TMEM87B: variants seen among roughly 807,000 people sequenced by gnomAD.
TMEM87B encodes the protein transmembrane protein 87B.
In TMEM87B, 83 loss-of-function variants were observed where a neutral mutation model predicts 80.3. That is an observed-to-expected ratio of 1.03 (90% CI 0.87 to 1.24). The LOEUF is 1.24. Ranked by LOEUF, TMEM87B falls within the 50% of genes most tolerant of loss-of-function variation. The pLI is 0.00. For synonymous variants in TMEM87B, 219 were observed against 230.5 expected (o/e 0.95, Z 0.45); for missense variants, 625 against 674.4 (o/e 0.93, Z 0.81).
intron 2 of TMEM87B, among the ~76,000 whole-genome samples, chr2:112,063,232 A>G (rs1345445942): frequency 6.6e-6 from 1 of 152,226 alleles, no homozygotes; most frequent in African/African-American, 2.4e-5. Context: ...AGGCTAAGTT[A>G]TAAAAGATAC....
chr2:112,098,520 G>A lies in TMEM87B; in HGVS notation c.1273-75G>A, dbSNP rs531009530. On this transcript the variant is annotated intron_variant, in intron 13 of 18. Coordinates refer to ENST00000283206, the MANE Select transcript of TMEM87B (RefSeq NM_032824.3). ...AAAGATTTCATTAGTACTTGTCATT[G>A]TACATTATTTGAATGGGAAACCTAT... is the stretch of plus-strand genomic sequence containing the variant. 11 of 1,351,808 alleles carry A rather than the reference G, an allele frequency of 8.1e-6. No homozygotes were observed. The African/African-American group carries it at 1.3e-4, about 16-fold the overall frequency. The allele number at this position is 1,351,808 out of a possible 1,614,324, so 83.7% of individuals were successfully genotyped here.
chr2:112,056,533 GAGAC>G (rs1368328077), intron 1 of TMEM87B, among the ~76,000 whole-genome samples: 2 of 152,210 alleles, frequency 1.3e-5, no homozygotes, highest in African/African-American at 4.8e-5. Flanking sequence ...TTGCAAAAGA[GAGAC>G]AGGAAGTCTG....
chr2:112,094,893 AAGAT>A (rs1679411108), intron 11 of TMEM87B, among the ~76,000 whole-genome samples: 3 of 152,080 alleles, frequency 2.0e-5, no homozygotes, highest in Admixed American at 6.5e-5. Flanking sequence ...TCTATACAGA[AAGAT>A]AGCAGATTTC....
rs1372000872 is a variant in TMEM87B, at chr2:112,118,713, TACC to T, written c.*2574_*2576del. The T allele has an allele frequency of 2.0e-5, 3 of 152,178 alleles. No individual in the cohort carries two copies. Among genetic ancestry groups the T allele is most frequent in the South Asian group, 2.1e-4 (1 of 4,832 alleles). The allele number at this position is 152,178 out of a possible 1,614,324, so 9.4% of individuals were successfully genotyped here. A position where few individuals can be genotyped will look rare whatever the true frequency, so the allele number is the denominator to read the frequency against. On this transcript the variant is annotated 3_prime_UTR_variant, in exon 19 of 19. Transcript: ENST00000283206. ...TTTAACTTACACATCCTGTAGAAAATACCACCTTTTCCCCTTGTATTACAGTAC... is the reference window on the plus strand; with the variant it reads ...TTTAACTTACACATCCTGTAGAAAATACCTTTTCCCCTTGTATTACAGTAC...
intron 6 of TMEM87B, among the ~76,000 whole-genome samples, chr2:112,080,184 C>T (rs1184834061): frequency 6.6e-6 from 1 of 151,956 alleles, no homozygotes; most frequent in Non-Finnish European, 1.5e-5. Flanking sequence ...CCACCTTGGC[C>T]TCCCAAAGTG....
At chr2:112,082,214 C>A (rs1053864867) in intron 8 of TMEM87B, among the ~76,000 whole-genome samples, 1 of 152,134 alleles carries the variant, frequency 6.6e-6, no homozygotes, top group African/African-American at 2.4e-5. Context: ...TTCTGAGTGA[C>A]CAGTTACAAA....
chr2:112,064,367 C>A, intron 3 of TMEM87B, 114 bp downstream of exon 3: 1 of 877,748 alleles, frequency 1.1e-6, no homozygotes, highest in Non-Finnish European at 1.7e-6. Flanking sequence ...TTTAGAAGTG[C>A]TACAGATTAA....
chr2:112,078,230 TG>T (rs1678880121), intron 6 of TMEM87B, among the ~76,000 whole-genome samples: 3 of 152,206 alleles, frequency 2.0e-5, no homozygotes, highest in African/African-American at 7.2e-5. Context: ...TACTTGACAC[TG>T]GGTAATTTAT....
chr2:112,078,492 G>C (rs993145962), intron 6 of TMEM87B, among the ~76,000 whole-genome samples: 7 of 152,164 alleles, frequency 4.6e-5, no homozygotes, highest in African/African-American at 1.2e-4. Context: ...CTTTTGTAAG[G>C]CATTAATCTA....
Position 112,119,245 on chromosome 2 carries a change from T to C in TMEM87B, c.*3102T>C, listed in dbSNP as rs1680098819. Reference sequence around the variant, plus strand: ...TAGGACATAACCGTTTGAAGGGTTTTCATTTGAAAAATTGATGTATTTTGT... The same window carrying C: ...TAGGACATAACCGTTTGAAGGGTTTCCATTTGAAAAATTGATGTATTTTGT... On this transcript the variant is annotated 3_prime_UTR_variant, in exon 19 of 19. Transcript: ENST00000283206. The C allele has an allele frequency of 6.6e-6, 1 of 152,204 alleles. No homozygotes were observed. The highest frequency in any genetic ancestry group is 1.5e-5 in the Non-Finnish European group (1 of 68,010). 9.4% of individuals were successfully genotyped at this position (152,204 alleles called of 1,614,324 possible). A position where few individuals can be genotyped will look rare whatever the true frequency, so the allele number is the denominator to read the frequency against.
intron 18 of TMEM87B, among the ~76,000 whole-genome samples, chr2:112,115,883 G>A (rs918405511): frequency 6.6e-6 from 1 of 152,186 alleles, no homozygotes; most frequent in Non-Finnish European, 1.5e-5. Context: ...CAGCCTTCCC[G>A]CCTCGGCCTC....
intron 9 of TMEM87B, 99 bp downstream of exon 9, chr2:112,086,203 G>A (rs1679141692): frequency 2.4e-6 from 2 of 844,554 alleles, no homozygotes; most frequent in East Asian, 2.8e-5. Context: ...AAGTATTGTA[G>A]TACAAATCCC....
rs1465504008 is a variant in TMEM87B, at chr2:112,067,110, G to C, written c.450+43G>C. On this transcript the variant is annotated intron_variant, in intron 4 of 18. Transcript: ENST00000283206. The stretch of plus-strand genomic sequence containing the variant: ...CATGTTAAAGTTTATTTTATTCCCA[G>C]TGAATACAAGTATCAACTGAAGTAA... 3.1e-6 allele frequency: 5 copies of C among 1,594,348 alleles called. No individual in the cohort carries two copies. The Admixed American group carries it at 9.0e-5, about 29-fold the overall frequency.
At chr2:112,102,508 A>T (rs1679657252) in intron 15 of TMEM87B, among the ~76,000 whole-genome samples, 1 of 152,116 alleles carries the variant, frequency 6.6e-6, no homozygotes, top group African/African-American at 2.4e-5. Context: ...AGCCTGGCCA[A>T]CATGGCAAAA....
chr2:112,071,232 A>G (rs1044084737), intron 4 of TMEM87B, among the ~76,000 whole-genome samples: 3 of 151,860 alleles, frequency 2.0e-5, no homozygotes, highest in Non-Finnish European at 2.9e-5. Flanking sequence ...CTGTATTCCT[A>G]TGGGATTGCA....
chr2:112,110,735 C>G (rs1679887871), intron 17 of TMEM87B, among the ~76,000 whole-genome samples: 1 of 152,012 alleles, frequency 6.6e-6, no homozygotes, highest in Non-Finnish European at 1.5e-5. Flanking sequence ...TCCCACCGCC[C>G]CCCCCAACTT....
chr2:112,081,019 C>T, intron 6 of TMEM87B, 38 bp from the exon 7 acceptor site: 1 of 1,558,782 alleles, frequency 6.4e-7, no homozygotes, highest in Non-Finnish European at 8.8e-7. Context: ...AGATTTAAGA[C>T]TGACTGTTAA....
intron 17 of TMEM87B, among the ~76,000 whole-genome samples, chr2:112,110,571 C>T (rs1395170623): frequency 1.3e-5 from 2 of 151,844 alleles, no homozygotes; most frequent in African/African-American, 2.4e-5. Context: ...ATTTTGTTTT[C>T]CCATTCTGAG....
intron 10 of TMEM87B, among the ~76,000 whole-genome samples, chr2:112,091,278 G>C (rs1038210391): frequency 9.2e-5 from 14 of 151,858 alleles, no homozygotes; most frequent in Admixed American, 5.3e-4. Context: ...CAACATCTTA[G>C]ATAGTGACTT....
Sources: allele counts gnomAD v4.1 joint callset (sites outside exome capture counted in the v4.1 genomes callset), GRCh38; gene constraint gnomAD v4.1.1; transcripts MANE v1.5; gene names NCBI Gene and HGNC (gene_info 2026-07-23, HGNC 2026-07-21).